CAMK1D: variants seen among roughly 807,000 people sequenced by gnomAD.
CAMK1D encodes the protein calcium/calmodulin dependent protein kinase ID.
CAMK1D carries 9 observed loss-of-function variants against 47.7 expected under a neutral mutation model. The observed-to-expected ratio is 0.19, with a 90% CI of 0.11 to 0.33. CAMK1D has a LOEUF of 0.33. Among genes scored for constraint, CAMK1D ranks in the 10% least tolerant of loss-of-function variants. The probability of loss-of-function intolerance (pLI) is 1.00; values close to 1 mark genes in which losing one functional copy is unlikely to be tolerated. For missense variants in CAMK1D, 291 were observed against 488.7 expected, an observed-to-expected ratio of 0.60 and a Z score of 3.81; for synonymous variants, 184 against 184.9, an observed-to-expected ratio of 0.99 and a Z score of 0.04.
chr10:12,565,780 T>G (rs567893205), intron 2 of CAMK1D, among the ~76,000 whole-genome samples: 1 of 152,094 alleles, frequency 6.6e-6, no homozygotes, highest in Non-Finnish European at 1.5e-5. Context: ...ACTGGTAATA[T>G]GTGGAGAGGA....
At chr10:12,674,385 T>C (rs909876843) in intron 3 of CAMK1D, among the ~76,000 whole-genome samples, 1 of 152,238 alleles carries the variant, frequency 6.6e-6, no homozygotes, top group Non-Finnish European at 1.5e-5. Context: ...TATTTTACAA[T>C]GTTTGTGCCT....
rs1441389497 is a variant in CAMK1D at position 12,437,466 on chromosome 10, AT to A, written c.92+87558del. On this transcript the variant is annotated intron_variant, in intron 1 of 10. Coordinates refer to ENST00000619168, the MANE Select transcript of CAMK1D (RefSeq NM_153498.4). Reference sequence around the variant, plus strand: ...CGCCTTGACCTCCCAAAGTGCTGGGATTACAGGCGTGAGCTACCGCGCCCAG... The same window carrying A: ...CGCCTTGACCTCCCAAAGTGCTGGGATACAGGCGTGAGCTACCGCGCCCAG... Among the ~76,000 whole-genome samples, 4 of 152,222 alleles carry A rather than the reference AT, an allele frequency of 2.6e-5. No individual in the cohort carries two copies. The East Asian group carries it at 7.7e-4, about 29-fold the overall frequency.
intron 3 of CAMK1D, among the ~76,000 whole-genome samples, chr10:12,704,217 G>A (rs1833643702): frequency 6.6e-6 from 1 of 151,544 alleles, no homozygotes; most frequent in African/African-American, 2.4e-5. Flanking sequence ...GCCTCATTAG[G>A]GCAAGGTTAA....
intron 3 of CAMK1D, among the ~76,000 whole-genome samples, chr10:12,721,222 C>T (rs1178195075): frequency 1.3e-5 from 2 of 152,234 alleles, no homozygotes; most frequent in Non-Finnish European, 2.9e-5. Flanking sequence ...CCACACATTT[C>T]AATTACTCGA....
rs1361054570 is a variant in CAMK1D at position 12,520,732 on chromosome 10, G to T, written c.93-32493G>T. 4.1e-4 allele frequency among the ~76,000 whole-genome samples: 17 copies of T among 40,970 alleles called. 1 individual carries two copies. The highest frequency in any genetic ancestry group is 1.6e-3 in the African/African-American group (16 of 10,082). The allele number at this position is 40,970 out of a possible 152,430, so 26.9% of individuals were successfully genotyped here. ...ACTCGCGGTTAGGAGCTGGAGACCA[G>T]CCCGGCCAACACAGCAAAACCCAGT... On this transcript the variant is annotated intron_variant, in intron 1 of 10. Coordinates refer to ENST00000619168, the MANE Select transcript of CAMK1D (RefSeq NM_153498.4).
At chr10:12,482,940 T>C (rs1834107882) in intron 1 of CAMK1D, among the ~76,000 whole-genome samples, 1 of 152,184 alleles carries the variant, frequency 6.6e-6, no homozygotes, top group South Asian at 2.1e-4. Flanking sequence ...GGATCTCATA[T>C]TTCAGGTGGT....
intron 2 of CAMK1D, among the ~76,000 whole-genome samples, chr10:12,595,122 A>T (rs1838104814): frequency 6.6e-6 from 1 of 152,018 alleles, no homozygotes; most frequent in African/African-American, 2.4e-5. Context: ...AGGGCAGATC[A>T]TCTGAGGTCA....
At chr10:12,709,203 A>G (rs944787880) in intron 3 of CAMK1D, among the ~76,000 whole-genome samples, 1 of 152,212 alleles carries the variant, frequency 6.6e-6, no homozygotes, top group African/African-American at 2.4e-5. Flanking sequence ...CCACAGTTAT[A>G]TAAATGGAAA....
chr10:12,798,803 T>A (rs533375772), intron 6 of CAMK1D, among the ~76,000 whole-genome samples: 3 of 152,330 alleles, frequency 2.0e-5, no homozygotes, highest in Non-Finnish European at 4.4e-5. Context: ...GAAAATATAG[T>A]CTCTGAATTA....
intron 1 of CAMK1D, among the ~76,000 whole-genome samples, chr10:12,398,225 A>G (rs1371975743): frequency 2.6e-5 from 4 of 152,142 alleles, no homozygotes; most frequent in Non-Finnish European, 5.9e-5. Context: ...CTTTAGAGTC[A>G]TATTCTATTC....
Position 12,828,844 on chromosome 10 carries a change from C to G in CAMK1D, c.1115C>G (p.Pro372Arg), listed in dbSNP as rs1160301011. 3 of 1,613,594 alleles carry G rather than the reference C, an allele frequency of 1.9e-6. No individual in the cohort carries two copies. The East Asian group carries it at 6.7e-5, about 36-fold the overall frequency. The change falls in exon 11 of 11, where the codon CCC (proline) becomes CGC (arginine). Residue 372 changes from proline (P) to arginine (R), a missense_variant. Physicochemically the swap from Pro to Arg is moderately radical, Grantham distance 103. Coordinates refer to ENST00000619168, the MANE Select transcript of CAMK1D (RefSeq NM_153498.4). ...TCAGGAGTTGGAGCCGAGCGGAGAC[C>G]CAGGCCCACCACTGTGACGGCAGTG... is the stretch of plus-strand genomic sequence containing the variant. The part of the protein sequence containing the change: ...GVSGVGAERR[P>R]RPTTVTAVHS...
At chr10:12,780,550 T>TG (rs1384913172) in intron 5 of CAMK1D, among the ~76,000 whole-genome samples, 1 of 152,196 alleles carries the variant, frequency 6.6e-6, no homozygotes, top group Non-Finnish European at 1.5e-5. Flanking sequence ...ATTCAGTCAA[T>TG]GGACCTCCCC....
chr10:12,815,690 CCAA>C (rs1832765123), intron 7 of CAMK1D, among the ~76,000 whole-genome samples: 1 of 152,232 alleles, frequency 6.6e-6, no homozygotes, highest in Admixed American at 6.5e-5. Flanking sequence ...TCCTGGGCTG[CCAA>C]CTACTCCCCC....
chr10:12,782,475 T>G (rs1021247446), intron 5 of CAMK1D, among the ~76,000 whole-genome samples: 1 of 152,230 alleles, frequency 6.6e-6, no homozygotes, highest in Non-Finnish European at 1.5e-5. Flanking sequence ...CTTTAAGTTC[T>G]GTTTAGCATC....
chr10:12,632,935 C>T (rs1268600748), intron 2 of CAMK1D, among the ~76,000 whole-genome samples: 29 of 152,114 alleles, frequency 1.9e-4, no homozygotes, highest in Non-Finnish European at 2.9e-5. Flanking sequence ...CCTCATGATC[C>T]GCCCACCTCA....
intron 2 of CAMK1D, among the ~76,000 whole-genome samples, chr10:12,625,647 T>A (rs1163082177): frequency 6.7e-6 from 1 of 148,420 alleles, no homozygotes; most frequent in Admixed American, 6.7e-5. Flanking sequence ...CCCCATTTCT[T>A]ACTGTGTAAT....
intron 3 of CAMK1D, among the ~76,000 whole-genome samples, chr10:12,671,911 CTTT>C (rs773722384): frequency 4.0e-5 from 4 of 98,918 alleles, no homozygotes. Flanking sequence ...TCACCTAATT[CTTT>C]TTTTTTTTTT....
intron 2 of CAMK1D, among the ~76,000 whole-genome samples, chr10:12,630,585 ATTTTATTTTATTTTCTAGAAAT>A (rs1839351933): frequency 6.6e-6 from 1 of 151,376 alleles, no homozygotes; most frequent in Non-Finnish European, 1.5e-5. Flanking sequence ...GTTTTATTTT[ATTTTATTTTATTTTCTAGAAAT>A]GAGGTCTCAC....
chr10:12,460,477 G>A (rs1833390989), intron 1 of CAMK1D, among the ~76,000 whole-genome samples: 1 of 151,888 alleles, frequency 6.6e-6, no homozygotes, highest in African/African-American at 2.4e-5. Context: ...CTGTCACCCT[G>A]GCTGGAATGC....
Sources: allele counts gnomAD v4.1 joint callset (sites outside exome capture counted in the v4.1 genomes callset), GRCh38; gene constraint gnomAD v4.1.1; transcripts MANE v1.5; gene names NCBI Gene and HGNC (gene_info 2026-07-23, HGNC 2026-07-21).